CLTCL1: variants seen among roughly 807,000 people sequenced by gnomAD.
CLTCL1 encodes the protein clathrin heavy chain like 1.
Under a neutral mutation model 190.0 loss-of-function variants are expected in CLTCL1, and 159 were observed. The observed-to-expected ratio is 0.84, with a 90% CI of 0.74 to 0.95. The LOEUF (loss-of-function observed/expected upper bound fraction) is 0.95, where lower values mean the gene tolerates loss of function less well. Among genes scored for constraint, CLTCL1 ranks in the 40% least tolerant of loss-of-function variants. CLTCL1 has a pLI of 0.00. For missense variants in CLTCL1, 1,878 were observed against 2,033.4 expected (o/e 0.92, Z 1.47); for synonymous variants, 752 against 769.6 (o/e 0.98, Z 0.38).
chr22:19,279,576 T>C (rs183977356), intron 1 of CLTCL1, among the ~76,000 whole-genome samples: 90 of 152,296 alleles, frequency 5.9e-4, no homozygotes, highest in African/African-American at 2.1e-3. Context: ...TAAGAAGTCA[T>C]GCCAAACCAA....
chr22:19,291,660 G>T lies in CLTCL1; in HGVS notation c.-19C>A. 7.4e-7 allele frequency: 1 copy of T among 1,343,576 alleles called. No homozygotes were observed. The highest frequency in any genetic ancestry group is 9.7e-7 in the Non-Finnish European group (1 of 1,033,158). The allele number at this position is 1,343,576 out of a possible 1,614,324, so 83.2% of individuals were successfully genotyped here. A position where few individuals can be genotyped will look rare whatever the true frequency, so the allele number is the denominator to read the frequency against. ...GCGCCATGGCTGGTGCGGGACCTCGGCGGCGGCGGCGGCAGCGGCAGGAAT... is the reference window on the plus strand; with the variant it reads ...GCGCCATGGCTGGTGCGGGACCTCGTCGGCGGCGGCGGCAGCGGCAGGAAT... On this transcript the variant is annotated 5_prime_UTR_variant, in exon 1 of 33. Coordinates refer to ENST00000427926, the MANE Select transcript of CLTCL1 (RefSeq NM_007098.4).
chr22:19,235,541 G>C (rs2086054505), intron 6 of CLTCL1, among the ~76,000 whole-genome samples, 155 bp downstream of exon 6: 1 of 152,156 alleles, frequency 6.6e-6, no homozygotes. Flanking sequence ...CTGAAGAGAG[G>C]AAGTGTCAAT....
At chr22:19,234,194 T>C (rs782313874) in intron 7 of CLTCL1, among the ~76,000 whole-genome samples, 2 of 152,226 alleles carry the variant, frequency 1.3e-5, no homozygotes, top group African/African-American at 2.4e-5. Context: ...ATTGTACAGT[T>C]GCATATTTGA....
chr22:19,237,417 C>T (rs1296885192), intron 5 of CLTCL1, among the ~76,000 whole-genome samples: 3 of 152,224 alleles, frequency 2.0e-5, no homozygotes, highest in Middle Eastern at 3.4e-3. Context: ...TGATGGTAAC[C>T]AAGGGAAAGA....
chr22:19,196,264 A>T lies in CLTCL1; in HGVS notation c.4191+2T>A. 6.2e-7 allele frequency: 1 copy of T among 1,612,330 alleles called. No homozygotes were observed. The highest frequency in any genetic ancestry group is 8.5e-7 in the Non-Finnish European group (1 of 1,179,746). On this transcript the variant is annotated splice_donor_variant, in intron 26 of 32. Transcript: ENST00000427926. LOFTEE classifies it high-confidence loss of function. Reference sequence around the variant, plus strand: ...GAGCCAGCGCTCTGTATCCCCTCTTACCTTGGTAATGATGTCCTTGAACTG... The same window carrying T: ...GAGCCAGCGCTCTGTATCCCCTCTTTCCTTGGTAATGATGTCCTTGAACTG...
chr22:19,282,260 C>A (rs898500916), intron 1 of CLTCL1, among the ~76,000 whole-genome samples: 1 of 150,898 alleles, frequency 6.6e-6, no homozygotes, highest in Non-Finnish European at 1.5e-5. Context: ...ACCCAGGAGG[C>A]GGAGGCTGCA....
intron 9 of CLTCL1, 111 bp from the exon 10 acceptor site, chr22:19,232,709 A>G: frequency 2.2e-6 from 3 of 1,372,738 alleles, no homozygotes; most frequent in Non-Finnish European, 2.9e-6. Context: ...AATGAGCAGC[A>G]ACATTATCAT....
Position 19,234,619 on chromosome 22 carries a change from C to A in CLTCL1, c.1057G>T (p.Val353Phe). 1 of 1,613,978 alleles carries A rather than the reference C, an allele frequency of 6.2e-7. No individual in the cohort carries two copies. The highest frequency in any genetic ancestry group is 8.5e-7 in the Non-Finnish European group (1 of 1,179,886). ...TCTGCCCCAGCCAGGTTACTACGAA[C>A]GGCCAAACGCAGACCAAGGTCTGGA... ...QNPDLGLRLA[V>F]RSNLAGAEKL... The change falls in exon 7 of 33, where the codon GTT (valine) becomes TTT (phenylalanine). Residue 353 changes from valine (V) to phenylalanine (F), a missense_variant. Coordinates refer to ENST00000427926, the MANE Select transcript of CLTCL1 (RefSeq NM_007098.4).
chr22:19,279,501 AT>A (rs2087633312), intron 1 of CLTCL1, among the ~76,000 whole-genome samples: 1 of 152,226 alleles, frequency 6.6e-6, no homozygotes, highest in South Asian at 2.1e-4. Context: ...CTACAACATT[AT>A]CCATCAGATT....
chr22:19,249,720 A>AACCTTG (rs2086531852), intron 3 of CLTCL1, among the ~76,000 whole-genome samples: 2 of 152,072 alleles, frequency 1.3e-5, no homozygotes, highest in African/African-American at 4.8e-5. Context: ...AAAAAGAAAT[A>AACCTTG]ACCTTGAGTA....
chr22:19,190,596 CAAAAAAAAAAAAA>C (rs55780206), intron 27 of CLTCL1, among the ~76,000 whole-genome samples: 2 of 72,816 alleles, frequency 2.7e-5, no homozygotes, highest in African/African-American at 5.5e-5. Flanking sequence ...AAGACTGTCT[CAAAAAAAAAAAAA>C]AAAAAAAAAA....
At chr22:19,181,613 G>A (rs2084141405) in intron 30 of CLTCL1, 1 of 152,362 alleles carries the variant, frequency 6.6e-6, no homozygotes, top group Non-Finnish European at 1.5e-5. Context: ...TGGCCCTCAA[G>A]CTTCCCAGAT....
chr22:19,232,510 A>T lies in CLTCL1; in HGVS notation c.1610T>A (p.Val537Glu). Residue 537 changes from valine to glutamate, a missense_variant, in exon 10 of 33, where the codon GTG becomes GAG. Transcript: ENST00000427926. ...EQGLQFSRML[V>E]QDEEPLANIS... ...GTTGGCCAGCGGCTCCTCGTCCTGC[A>T]CTAGCATTCGAGAAAACTGCAGGCC... The T allele has an allele frequency of 4.3e-6, 7 of 1,614,034 alleles. No individual in the cohort carries two copies. The highest frequency in any genetic ancestry group is 8.5e-7 in the Non-Finnish European group (1 of 1,179,892).
intron 7 of CLTCL1, 97 bp downstream of exon 7, chr22:19,234,412 C>T (rs1294694615): frequency 8.3e-6 from 9 of 1,088,916 alleles, no homozygotes; most frequent in Non-Finnish European, 2.6e-6. Flanking sequence ...CACTAATAGA[C>T]TGCAATATCA....
chr22:19,188,137 T>C lies in CLTCL1; in HGVS notation c.4324-46A>G, dbSNP rs781936062. 14 of 1,565,142 alleles carry C rather than the reference T, an allele frequency of 8.9e-6. No individual in the cohort carries two copies. The African/African-American group carries it at 1.5e-4, about 17-fold the overall frequency. ...TCAAGGCACTTGGCCAAGCTTGTTA[T>C]GGGGACACTAGGCAGGGGCACAGGT... On this transcript the variant is annotated intron_variant, in intron 27 of 32. Coordinates refer to ENST00000427926, the MANE Select transcript of CLTCL1 (RefSeq NM_007098.4).
intron 3 of CLTCL1, among the ~76,000 whole-genome samples, chr22:19,243,234 A>G (rs1555966411): frequency 6.6e-6 from 1 of 152,220 alleles, no homozygotes; most frequent in East Asian, 1.9e-4. Context: ...CTTTGGAGGA[A>G]AAACTCTAAA....
chr22:19,239,422 C>A (rs782077459), intron 4 of CLTCL1, 34 bp from the exon 5 acceptor site: 4 of 1,536,404 alleles, frequency 2.6e-6, no homozygotes, highest in Non-Finnish European at 3.6e-6. Flanking sequence ...TCAAGGGGAC[C>A]GCCTGTGGTG....
In CLTCL1 at chr22:19,233,619, T is replaced by C. The variant is rs2085986289; in HGVS notation, c.1171A>G (p.Ile391Val). The C allele has an allele frequency of 6.2e-7, 1 of 1,612,790 alleles. No individual in the cohort carries two copies. Among genetic ancestry groups the C allele is most frequent in the Non-Finnish European group, 8.5e-7 (1 of 1,179,694 alleles). The change falls in exon 8 of 33, where the codon ATC (isoleucine) becomes GTC (valine). Residue 391 changes from isoleucine to valine, a missense_variant. Coordinates refer to ENST00000427926, the MANE Select transcript of CLTCL1 (RefSeq NM_007098.4). ...TGGACCGTCTCTCTGGTACGCAGGA[T>C]TCCCTAATAATAAATGGAAAAATAG... ...AKVAASAPKGILRTRETVQKF... is the reference protein window; with the variant it reads ...AKVAASAPKGVLRTRETVQKF...
chr22:19,257,722 T>C (rs2146126322), intron 2 of CLTCL1: 1 of 1,150,968 alleles, frequency 8.7e-7, no homozygotes, highest in Non-Finnish European at 1.2e-6. Context: ...GCCACTGGGA[T>C]GGCCAGGGGT....
Sources: gnomAD v4.1 joint callset for allele counts (sites outside exome capture counted in the v4.1 genomes callset) on GRCh38, gnomAD v4.1.1 for gene constraint, MANE v1.5 for transcripts, NCBI Gene and HGNC (gene_info 2026-07-23, HGNC 2026-07-21) for gene names.